SREK1: variants seen among roughly 807,000 people sequenced by gnomAD.
SREK1 encodes the protein splicing regulatory glutamic acid and lysine rich protein 1, also known as splicing regulatory glutamine/lysine-rich protein 1.
Under a neutral mutation model 66.5 loss-of-function variants are expected in SREK1, and 13 were observed. That is an observed-to-expected ratio of 0.20 (90% CI 0.13 to 0.31). The LOEUF (loss-of-function observed/expected upper bound fraction) is 0.31. SREK1 is among the 10% of genes least tolerant of loss of function. SREK1 has a pLI of 1.00. For missense variants in SREK1, 607 were observed against 769.6 expected, an observed-to-expected ratio of 0.79 and a Z score of 2.50; for synonymous variants, 265 against 263.5, an observed-to-expected ratio of 1.01 and a Z score of -0.05.
At chr5:66,147,376 T>G (rs1013549581) in intron 1 of SREK1, among the ~76,000 whole-genome samples, 1 of 152,186 alleles carries the variant, frequency 6.6e-6, no homozygotes, top group African/African-American at 2.4e-5. Context: ...AAATTTTTCA[T>G]TGAGGTTTAA....
rs1205850305 is a variant in SREK1 at position 66,179,561 on chromosome 5, T to G, written c.*693T>G. On this transcript the variant is annotated 3_prime_UTR_variant, in exon 12 of 12. Transcript: ENST00000334121. The stretch of plus-strand genomic sequence containing the variant: ...CAACCGTGTTGAATACTAATAATGA[T>G]GAATTAGTATTCAGTGTTTAGAATC... 6.6e-6 allele frequency: 1 copy of G among 152,552 alleles called. No homozygotes were observed. The highest frequency in any genetic ancestry group is 1.5e-5 in the Non-Finnish European group (1 of 67,972). The allele number at this position is 152,552 out of a possible 1,614,324, so 9.4% of individuals were successfully genotyped here.
chr5:66,170,167 C>A lies in SREK1; in HGVS notation c.1118C>A (p.Ser373Ter). 6.2e-7 allele frequency: 1 copy of A among 1,609,382 alleles called. No individual in the cohort carries two copies. The highest frequency in any genetic ancestry group is 1.1e-5 in the South Asian group (1 of 89,980). The change falls in exon 8 of 12, where the codon TCA (serine) becomes TAA (stop). Residue 373 changes from serine to a stop codon, truncating the protein, a stop_gained. Coordinates refer to ENST00000334121, the MANE Select transcript of SREK1 (RefSeq NM_001077199.3). LOFTEE classifies it high-confidence loss of function. ...ERRKSRSRSH[S>*]RDKRKDTREK... ...CGGAAGTCAAGGAGTCGTTCGCATT[C>A]ACGGTGAGTTTTAGAGAAATTAACA... is the stretch of plus-strand genomic sequence containing the variant.
chr5:66,181,149 AAC>A lies in SREK1; in HGVS notation c.*2284_*2285del, dbSNP rs1189476022. 1.6e-4 allele frequency: 25 copies of A among 152,358 alleles called. No homozygotes were observed. The highest frequency in any genetic ancestry group is 5.5e-4 in the African/African-American group (23 of 41,590). The allele number at this position is 152,358 out of a possible 1,614,324, so 9.4% of individuals were successfully genotyped here. A position where few individuals can be genotyped will look rare whatever the true frequency, so the allele number is the denominator to read the frequency against. ...TAAAATAATCGTACTATAATCTTGA[AAC>A]ACTGATTTGTAAAAACTAAGAATGA... On this transcript the variant is annotated 3_prime_UTR_variant, in exon 12 of 12. Coordinates refer to ENST00000334121, the MANE Select transcript of SREK1 (RefSeq NM_001077199.3).
In SREK1 at chr5:66,182,628, G is replaced by C. The variant is rs1304771755; in HGVS notation, c.*3760G>C. On this transcript the variant is annotated 3_prime_UTR_variant, in exon 12 of 12. Transcript: ENST00000334121. ...CACTCAGGCTGGAGTGCAGTGACACGATCATGGCTCACTGCAATCTTGACC... is the reference window on the plus strand; with the variant it reads ...CACTCAGGCTGGAGTGCAGTGACACCATCATGGCTCACTGCAATCTTGACC... 1 of 152,034 alleles carries C rather than the reference G, an allele frequency of 6.6e-6. No individual in the cohort carries two copies. Among genetic ancestry groups the C allele is most frequent in the Admixed American group, 6.6e-5 (1 of 15,240 alleles). 9.4% of individuals were successfully genotyped at this position (152,034 alleles called of 1,614,324 possible).
chr5:66,162,307 G>T (rs1173247229), intron 4 of SREK1, 34 bp downstream of exon 4: 1 of 1,609,186 alleles, frequency 6.2e-7, no homozygotes, highest in South Asian at 1.1e-5. Context: ...AGCAGCAGTA[G>T]CCCTTATTCT....
intron 7 of SREK1, 159 bp downstream of exon 7, chr5:66,165,056 A>C: frequency 1.7e-6 from 1 of 583,224 alleles, no homozygotes; most frequent in Non-Finnish European, 2.8e-6. Context: ...GTAATACTGT[A>C]GTTGAGAATG....
intron 7 of SREK1, chr5:66,165,564 G>C (rs1423137396): frequency 6.6e-6 from 1 of 152,186 alleles, no homozygotes; most frequent in African/African-American, 2.4e-5. Context: ...TTGGTATAAA[G>C]GGGACCTTAA....
At chr5:66,151,918 T>G (rs369513126) in intron 1 of SREK1, among the ~76,000 whole-genome samples, 2 of 138,940 alleles carry the variant, frequency 1.4e-5, no homozygotes, top group East Asian at 2.4e-4. Flanking sequence ...CAATCTCGGC[T>G]CACTGCAAGC....
In SREK1 at chr5:66,144,376, G is replaced by C. The variant is rs1047452995; in HGVS notation, c.-1G>C. On this transcript the variant is annotated 5_prime_UTR_variant, in exon 1 of 12. Transcript: ENST00000334121. ...GGGAAGGCAACGGCAGCGGGATCGG[G>C]ATGAACAGCGGCGGCGGCTTCGGTT... 1 of 1,546,294 alleles carries C rather than the reference G, an allele frequency of 6.5e-7. No individual in the cohort carries two copies. Among genetic ancestry groups the C allele is most frequent in the East Asian group, 2.5e-5 (1 of 40,540 alleles).
chr5:66,154,808 AT>A (rs1303084348), intron 2 of SREK1, among the ~76,000 whole-genome samples: 1 of 152,106 alleles, frequency 6.6e-6, no homozygotes, highest in East Asian at 1.9e-4. Context: ...TATTGGCCAA[AT>A]GTATCTTTAT....
intron 7 of SREK1, chr5:66,165,719 T>C (rs140477795): frequency 5.3e-5 from 8 of 152,366 alleles, no homozygotes; most frequent in African/African-American, 1.7e-4. Context: ...TTGCATGTTA[T>C]GTGTACATAC....
rs1269342596 is a variant in SREK1, at chr5:66,182,063, G to C, written c.*3195G>C. 6.7e-6 allele frequency: 1 copy of C among 150,362 alleles called. No individual in the cohort carries two copies. Among genetic ancestry groups the C allele is most frequent in the African/African-American group, 2.5e-5 (1 of 40,734 alleles). The allele number at this position is 150,362 out of a possible 1,614,324, so 9.3% of individuals were successfully genotyped here. On this transcript the variant is annotated 3_prime_UTR_variant, in exon 12 of 12. Transcript: ENST00000334121. ...GTGTAGATTCAAGAATTATAATGTA[G>C]AGTAATAGGCCTTTAAGTTTTTTTT...
rs573563061 is a variant in SREK1, at chr5:66,181,537, A to G, written c.*2669A>G. On this transcript the variant is annotated 3_prime_UTR_variant, in exon 12 of 12. Transcript: ENST00000334121. ...TAATTATCTTTTGTAGCTTGATTAC[A>G]TAGAGTACCCTCTCTTCCTTAAGTT... The G allele has an allele frequency of 1.3e-5, 2 of 152,188 alleles. No individual in the cohort carries two copies. Among genetic ancestry groups the G allele is most frequent in the South Asian group, 2.1e-4 (1 of 4,826 alleles). The allele number at this position is 152,188 out of a possible 1,614,324, so 9.4% of individuals were successfully genotyped here. A position where few individuals can be genotyped will look rare whatever the true frequency, so the allele number is the denominator to read the frequency against.
At chr5:66,167,849 T>C (rs1009213280) in intron 7 of SREK1, 4 of 152,208 alleles carry the variant, frequency 2.6e-5, no homozygotes, top group Non-Finnish European at 4.4e-5. Context: ...ACAGAAATCT[T>C]ATAGTAAGAC....
chr5:66,144,795 T>G (rs1319614351), intron 1 of SREK1: 3 of 1,196,710 alleles, frequency 2.5e-6, no homozygotes, highest in African/African-American at 1.6e-5. Context: ...CCGGGACTTG[T>G]GTTCGCTGCT....
Position 66,170,815 on chromosome 5 carries a change from A to G in SREK1, c.1352A>G (p.Lys451Arg). ...AAGGATCGAGACAAAGAGAAGGAAAAGGAACAGGACAAAGAAAAGGAACGA... is the reference window on the plus strand; with the variant it reads ...AAGGATCGAGACAAAGAGAAGGAAAGGGAACAGGACAAAGAAAAGGAACGA... ...HEKDRDKEKE[K>R]EQDKEKEREK... The change falls in exon 9 of 12, where the codon AAG becomes AGG. Residue 451 changes from lysine (K) to arginine (R), a missense_variant. This residue lies in a region of SREK1 where 318 missense variants were observed against 310.3 expected (regional missense o/e 1.02). Coordinates refer to ENST00000334121, the MANE Select transcript of SREK1 (RefSeq NM_001077199.3). 6.2e-7 allele frequency: 1 copy of G among 1,613,026 alleles called. No homozygotes were observed. The highest frequency in any genetic ancestry group is 1.6e-4 in the Middle Eastern group (1 of 6,062).
chr5:66,145,723 G>A (rs1202710568), intron 1 of SREK1, among the ~76,000 whole-genome samples: 1 of 149,986 alleles, frequency 6.7e-6, no homozygotes, highest in Non-Finnish European at 1.5e-5. Flanking sequence ...GGCTACAGTT[G>A]ATTATTAAAA....
chr5:66,177,497 T>A lies in SREK1; in HGVS notation c.1581-17T>A. On this transcript the variant is annotated splice_polypyrimidine_tract_variant and intron_variant, in intron 10 of 11. Coordinates refer to ENST00000334121, the MANE Select transcript of SREK1 (RefSeq NM_001077199.3). Reference sequence around the variant, plus strand: ...ACAATTTCTTAGAATTTAACTGACATATCAATATTCTTATAGCAGAAATAA... The same window carrying A: ...ACAATTTCTTAGAATTTAACTGACAAATCAATATTCTTATAGCAGAAATAA... 6.5e-7 allele frequency: 1 copy of A among 1,542,708 alleles called. No homozygotes were observed. Among genetic ancestry groups the A allele is most frequent in the South Asian group, 1.2e-5 (1 of 82,122 alleles).
At chr5:66,160,037 G>T (rs1405828230) in intron 3 of SREK1, among the ~76,000 whole-genome samples, 1 of 152,186 alleles carries the variant, frequency 6.6e-6, no homozygotes, top group Non-Finnish European at 1.5e-5. Context: ...GGCCGAGGCT[G>T]GAGAATGGCG....
Sources: allele counts gnomAD v4.1 joint callset (sites outside exome capture counted in the v4.1 genomes callset), GRCh38; gene constraint gnomAD v4.1.1; regional missense constraint gnomAD v4.1.1; transcripts MANE v1.5; gene names NCBI Gene and HGNC (gene_info 2026-07-23, HGNC 2026-07-21).